Variants in PLOD1 observed in about 807,000 individuals in gnomAD.
The protein encoded by PLOD1 is lysine hydroxylase.
In PLOD1, 70 loss-of-function variants were observed where a neutral mutation model predicts 94.7. The ratio of observed to expected loss-of-function variants is 0.74; its 90% CI spans 0.61 to 0.90. The LOEUF (loss-of-function observed/expected upper bound fraction) is 0.90, where lower values mean the gene tolerates loss of function less well. Ranked by LOEUF, PLOD1 falls within the 40% of genes least tolerant of loss-of-function variation. The pLI, the probability that PLOD1 is intolerant of heterozygous loss-of-function variation, is 0.00. For synonymous variants in PLOD1, 417 were observed against 400.2 expected (o/e 1.04, Z -0.50); for missense variants, 905 against 972.7 (o/e 0.93, Z 0.93).
chr1:11,948,179 G>T (rs1645670700), intron 2 of PLOD1, 112 bp downstream of exon 2: 1 of 790,174 alleles, frequency 1.3e-6, no homozygotes, highest in Non-Finnish European at 2.3e-6. Context: ...GGCCACAGGG[G>T]AGGCTTCTGG....
chr1:11,960,995 AG>A (rs1645774548), intron 10 of PLOD1, among the ~76,000 whole-genome samples: 1 of 152,098 alleles, frequency 6.6e-6, no homozygotes, highest in Non-Finnish European at 1.5e-5. Context: ...ATTTGGGTTC[AG>A]GAAGCAAATC....
chr1:11,972,773 C>G lies in PLOD1; in HGVS notation c.1903-99C>G, dbSNP rs915491597. The G allele has an allele frequency of 4.6e-5, 63 of 1,376,522 alleles. 2 individuals are homozygous for G. The Admixed American group carries it at 9.6e-4, about 21-fold the overall frequency. The allele number at this position is 1,376,522 out of a possible 1,614,324, so 85.3% of individuals were successfully genotyped here. A position where few individuals can be genotyped will look rare whatever the true frequency, so the allele number is the denominator to read the frequency against. ...GACCTGGCCCCTGTAAGCTGACCTGCAGCAGGCCAGACCAGGCCCCATGTG... is the reference window on the plus strand; with the variant it reads ...GACCTGGCCCCTGTAAGCTGACCTGGAGCAGGCCAGACCAGGCCCCATGTG... On this transcript the variant is annotated intron_variant, in intron 17 of 18. Coordinates refer to ENST00000196061, the MANE Select transcript of PLOD1 (RefSeq NM_000302.4). This position sits in a 1 kb window ranked among gnomAD's most constrained non-coding sequence, Gnocchi z 4.6.
rs1261833046 is a variant in PLOD1, at chr1:11,952,693, T to A, written c.537T>A (p.Asp179Glu). The change falls in exon 5 of 19, where the codon GAT becomes GAA. Residue 179 changes from aspartate (D) to glutamate (E), a missense_variant. Physicochemically the swap from Asp to Glu is conservative, Grantham distance 45. Transcript: ENST00000196061. ...GGGAGGGCCAGGACAGCGACAGCGATCAGCTGTTTTACACCAAGATCTTCT... is the reference window on the plus strand; with the variant it reads ...GGGAGGGCCAGGACAGCGACAGCGAACAGCTGTTTTACACCAAGATCTTCT... ...AEWEGQDSDSDQLFYTKIFLD... is the reference protein window; with the variant it reads ...AEWEGQDSDSEQLFYTKIFLD... 1 of 1,613,850 alleles carries A rather than the reference T, an allele frequency of 6.2e-7. No individual in the cohort carries two copies. The highest frequency in any genetic ancestry group is 2.2e-5 in the East Asian group (1 of 44,894).
chr1:11,957,552 T>A lies in PLOD1; in HGVS notation c.742-290T>A, dbSNP rs1557491651. On this transcript the variant is annotated intron_variant, in intron 7 of 18. Coordinates refer to ENST00000196061, the MANE Select transcript of PLOD1 (RefSeq NM_000302.4). The surrounding 1 kb of genome is among the most constrained non-coding windows in gnomAD (Gnocchi z 4.1). ...GATGTGATGTGTTTAAAATGCAAAT[T>A]TGCTGATTTCACCCAGGATCTGTTC... Among the ~76,000 whole-genome samples, 1 of 152,100 alleles carries A rather than the reference T, an allele frequency of 6.6e-6. No homozygotes were observed. Among genetic ancestry groups the A allele is most frequent in the Non-Finnish European group, 1.5e-5 (1 of 68,008 alleles).
At chr1:11,943,860 C>A (rs1310250290) in intron 1 of PLOD1, among the ~76,000 whole-genome samples, 1 of 152,176 alleles carries the variant, frequency 6.6e-6, no homozygotes, top group Non-Finnish European at 1.5e-5. Flanking sequence ...TGCTTCCTAG[C>A]TCCCTTGGGC....
chr1:11,961,997 C>T (rs1645780876), intron 10 of PLOD1, among the ~76,000 whole-genome samples: 1 of 152,166 alleles, frequency 6.6e-6, no homozygotes, highest in Non-Finnish European at 1.5e-5. Flanking sequence ...CCATGTTTTC[C>T]AGGCCTGTCT....
Position 11,957,014 on chromosome 1 carries a change from G to A in PLOD1, c.741G>A (p.Lys247=), listed in dbSNP as rs1645743673. Residue 247 remains lysine (K), a splice_region_variant and synonymous_variant, in exon 7 of 19, where the codon AAG becomes AAA. Coordinates refer to ENST00000196061, the MANE Select transcript of PLOD1 (RefSeq NM_000302.4). The surrounding 1 kb of genome is among the most constrained non-coding windows in gnomAD (Gnocchi z 4.1). ...PVLIHGNGPT[K]LQLNYLGNYI... is the part of the protein sequence containing the mutation. ...TGATCCATGGCAACGGGCCAACCAA[G>A]GTAGGGGGTCCCCAGCCCCTGGGGA... 1.9e-6 allele frequency: 3 copies of A among 1,604,260 alleles called. No homozygotes were observed. Among genetic ancestry groups the A allele is most frequent in the Non-Finnish European group, 2.6e-6 (3 of 1,171,250 alleles).
At position 11,948,075 on chromosome 1, in the gene PLOD1, G is replaced by T; in HGVS notation, c.168+8G>T. On this transcript the variant is annotated splice_region_variant and intron_variant, in intron 2 of 18. Coordinates refer to ENST00000196061, the MANE Select transcript of PLOD1 (RefSeq NM_000302.4). ...TTCAACTACAAGATCCAGGTAAGGGGTTTCCTGGGTGAGGCAGAGACAGTG... is the reference window on the plus strand; with the variant it reads ...TTCAACTACAAGATCCAGGTAAGGGTTTTCCTGGGTGAGGCAGAGACAGTG... 1 of 1,593,944 alleles carries T rather than the reference G, an allele frequency of 6.3e-7. No homozygotes were observed. The highest frequency in any genetic ancestry group is 8.6e-7 in the Non-Finnish European group (1 of 1,161,528).
chr1:11,950,603 C>A (rs754127776), intron 4 of PLOD1, 83 bp downstream of exon 4: 14 of 1,273,292 alleles, frequency 1.1e-5, no homozygotes, highest in African/African-American at 2.9e-5. Flanking sequence ...GTTTGACGTG[C>A]AATCTGGGTG....
At position 11,952,524 on chromosome 1, in the gene PLOD1, T is replaced by C. The variant is rs905408167; in HGVS notation, c.467-99T>C. The C allele has an allele frequency of 2.7e-5, 23 of 839,704 alleles. No homozygotes were observed. In the Middle Eastern group the frequency reaches 1.3e-3, roughly 48 times the overall value. 52.0% of individuals were successfully genotyped at this position (839,704 alleles called of 1,614,324 possible). ...AGAGGTGACAGGGTTTGTGGGCATA[T>C]GAGTGGAGGTGGATAAGAGGGAAGG... On this transcript the variant is annotated intron_variant, in intron 4 of 18. Transcript: ENST00000196061.
rs79774119 is a variant in PLOD1 at position 11,969,340 on chromosome 1, G to A, written c.1756-1330G>A. 4.5e-3 allele frequency among the ~76,000 whole-genome samples: 680 copies of A among 152,226 alleles called. 8 individuals carry two copies. The highest frequency in any genetic ancestry group is 0.041 in the East Asian group (211 of 5,172). ...TGTGTGTTCCCAAGTTTAAGGCACC[G>A]TTTTTAAAGGCACATGAGACCCTGG... On this transcript the variant is annotated intron_variant, in intron 16 of 18. Coordinates refer to ENST00000196061, the MANE Select transcript of PLOD1 (RefSeq NM_000302.4).
In PLOD1 at chr1:11,934,765, C is replaced by T. The variant is rs1473844745; in HGVS notation, c.-15C>T. 2 of 1,531,990 alleles carry T rather than the reference C, an allele frequency of 1.3e-6. No individual in the cohort carries two copies. The highest frequency in any genetic ancestry group is 2.8e-5 in the African/African-American group (2 of 71,370). The allele number at this position is 1,531,990 out of a possible 1,614,324, so 94.9% of individuals were successfully genotyped here. Reference sequence around the variant, plus strand: ...AGCGCCGCCGGGTCGGCCGATCGTCCCCCATACCTCGGCCATGCGGCCCCT... The same window carrying T: ...AGCGCCGCCGGGTCGGCCGATCGTCTCCCATACCTCGGCCATGCGGCCCCT... On this transcript the variant is annotated 5_prime_UTR_variant, in exon 1 of 19. Coordinates refer to ENST00000196061, the MANE Select transcript of PLOD1 (RefSeq NM_000302.4).
intron 5 of PLOD1, 24 bp downstream of exon 5, chr1:11,952,759 G>A (rs753903631): frequency 6.5e-7 from 1 of 1,534,128 alleles, no homozygotes; most frequent in East Asian, 2.2e-5. Flanking sequence ...GGCGGGCCAA[G>A]GAGAGGGGGC....
chr1:11,936,854 T>TC (rs1452315968), intron 1 of PLOD1, among the ~76,000 whole-genome samples: 1 of 149,556 alleles, frequency 6.7e-6, no homozygotes, highest in Non-Finnish European at 1.5e-5. Flanking sequence ...TTTCTTTCTT[T>TC]TTTTTTTTTT....
intron 9 of PLOD1, among the ~76,000 whole-genome samples, 181 bp from the exon 10 acceptor site, chr1:11,960,465 G>A (rs1248423773): frequency 1.3e-5 from 2 of 152,210 alleles, no homozygotes; most frequent in African/African-American, 2.4e-5. Flanking sequence ...AGGATGGCCA[G>A]GGAAGGGTGT....
chr1:11,952,899 G>A (rs1645713208), intron 5 of PLOD1, among the ~76,000 whole-genome samples, 164 bp downstream of exon 5: 1 of 152,092 alleles, frequency 6.6e-6, no homozygotes, highest in African/African-American at 2.4e-5. Flanking sequence ...CAACGGATGT[G>A]GATTTCTCAT....
intron 1 of PLOD1, among the ~76,000 whole-genome samples, chr1:11,945,057 C>T (rs1457386002): frequency 2.6e-5 from 4 of 152,164 alleles, no homozygotes; most frequent in South Asian, 2.1e-4. Flanking sequence ...AGGAGAAATC[C>T]GAGAAGGCTT....
Position 11,966,327 on chromosome 1 carries a change from TG to T in PLOD1, c.1650+13del, listed in dbSNP as rs1446464522. 2 of 1,594,006 alleles carry T rather than the reference TG, an allele frequency of 1.3e-6. No homozygotes were observed. The highest frequency in any genetic ancestry group is 3.4e-5 in the Admixed American group (2 of 58,616). ...AAGCTGGTGGAGACGGTAAGGGCCA[TG>T]GACACCCTCTTGGACCAGCCTTGCC... On this transcript the variant is annotated intron_variant, in intron 15 of 18. Coordinates refer to ENST00000196061, the MANE Select transcript of PLOD1 (RefSeq NM_000302.4).
At chr1:11,938,246 C>G (rs183569037) in intron 1 of PLOD1, among the ~76,000 whole-genome samples, 1 of 152,154 alleles carries the variant, frequency 6.6e-6, no homozygotes, top group Non-Finnish European at 1.5e-5. Context: ...CCACCACGCC[C>G]GGCCAGGATC....
Sources: allele counts gnomAD v4.1 joint callset (sites outside exome capture counted in the v4.1 genomes callset), GRCh38; gene constraint gnomAD v4.1.1; non-coding constraint Gnocchi (gnomAD v3.1); transcripts MANE v1.5; gene names NCBI Gene and HGNC (gene_info 2026-07-23, HGNC 2026-07-21).